The following PRIM2 variants were observed in gnomAD, a reference collection of about 807,000 sequenced individuals.
The protein encoded by PRIM2 is DNA primase large subunit.
PRIM2 carries 39 observed loss-of-function variants against 67.3 expected under a neutral mutation model. The ratio of observed to expected loss-of-function variants is 0.58; its 90% confidence interval spans 0.45 to 0.76. The LOEUF is 0.76. PRIM2 is among the 30% of genes least tolerant of loss of function. PRIM2 has a pLI of 0.00. For synonymous variants in PRIM2, 143 were observed against 198.7 expected (o/e 0.72, Z 2.36); for missense variants, 398 against 598.7 (o/e 0.66, Z 3.50).
intron 7 of PRIM2, among the ~76,000 whole-genome samples, chr6:57,472,205 G>A (rs1291968577): frequency 4.6e-5 from 7 of 151,904 alleles, no homozygotes; most frequent in Non-Finnish European, 2.9e-5. Flanking sequence ...CAAGGTGGGC[G>A]GATCACCTGA....
the PRIM2 span, among the ~76,000 whole-genome samples, chr6:57,235,394 G>C: frequency 6.6e-6 from 1 of 152,208 alleles, no homozygotes; most frequent in African/African-American, 2.4e-5. Context: ...AACCCAGGAG[G>C]GGGAGATTGC....
chr6:57,259,638 C>G, the PRIM2 span, among the ~76,000 whole-genome samples: 3 of 152,160 alleles, frequency 2.0e-5, no homozygotes, highest in Non-Finnish European at 4.4e-5. Context: ...ATATACTTCA[C>G]CTTTGTGGGG....
the PRIM2 span, among the ~76,000 whole-genome samples, chr6:57,270,931 T>C: frequency 3.3e-5 from 5 of 151,426 alleles, no homozygotes; most frequent in Non-Finnish European, 7.3e-5. Context: ...GGATTACACT[T>C]ACTGATTTGT....
At chr6:57,476,256 T>A (rs1773475788) in intron 7 of PRIM2, among the ~76,000 whole-genome samples, 1 of 152,184 alleles carries the variant, frequency 6.6e-6, no homozygotes, top group South Asian at 2.1e-4. Flanking sequence ...AATTTTAGTG[T>A]CAGTACCCAG....
intron 7 of PRIM2, among the ~76,000 whole-genome samples, chr6:57,471,557 A>G (rs1308366168): frequency 2.0e-5 from 3 of 152,350 alleles, no homozygotes; most frequent in Non-Finnish European, 4.4e-5. Flanking sequence ...CTCCATATCC[A>G]GTGTTCTGCT....
intron 10 of PRIM2, among the ~76,000 whole-genome samples, chr6:57,580,546 A>T (rs1255446320): frequency 4.6e-5 from 7 of 152,182 alleles, no homozygotes; most frequent in Non-Finnish European, 1.5e-5. Flanking sequence ...GATAAAAGGG[A>T]TATAATCTAA....
At chr6:57,614,863 T>C (rs1415322447) in intron 12 of PRIM2, among the ~76,000 whole-genome samples, 1 of 151,660 alleles carries the variant, frequency 6.6e-6, no homozygotes, top group Non-Finnish European at 1.5e-5. Flanking sequence ...TATATATATA[T>C]ATGTATGTGT....
intron 12 of PRIM2, among the ~76,000 whole-genome samples, chr6:57,628,703 A>G (rs1776995935): frequency 6.6e-6 from 1 of 152,000 alleles, no homozygotes; most frequent in African/African-American, 2.4e-5. Context: ...TGTATAACCA[A>G]TGTTTAGCTC....
Position 57,509,393 on chromosome 6 carries a change from C to T in PRIM2, c.761+1939C>T, listed in dbSNP as rs1554347508. Reference sequence around the variant, plus strand: ...AGTCTCTTGCTTAATGCCCACCTGCCGCATTCAACTCTGTTGGCAATTTTA... The same window carrying T: ...AGTCTCTTGCTTAATGCCCACCTGCTGCATTCAACTCTGTTGGCAATTTTA... On this transcript the variant is annotated intron_variant, in intron 8 of 13. Transcript: ENST00000615550. Among the ~76,000 whole-genome samples the T allele has an allele frequency of 3.3e-3, 507 of 152,280 alleles. 8 individuals are homozygous for T. The highest frequency in any genetic ancestry group is 0.025 in the Admixed American group (376 of 15,288).
chr6:57,454,317 G>C (rs1772675922), intron 7 of PRIM2, among the ~76,000 whole-genome samples: 4 of 152,164 alleles, frequency 2.6e-5, no homozygotes, highest in South Asian at 2.1e-4. Context: ...GAGTTAGGGA[G>C]GATTCCCTCT....
intron 9 of PRIM2, among the ~76,000 whole-genome samples, chr6:57,533,687 A>G (rs1774938787): frequency 6.6e-6 from 1 of 152,212 alleles, no homozygotes; most frequent in Non-Finnish European, 1.5e-5. Context: ...TCTTAGTTCT[A>G]GCTAGATGTT....
chr6:57,307,628 G>A, the PRIM2 span, among the ~76,000 whole-genome samples: 2 of 152,144 alleles, frequency 1.3e-5, no homozygotes, highest in African/African-American at 4.8e-5. Flanking sequence ...GGGCTTACTC[G>A]AAGTCAATAT....
At chr6:57,374,492 C>T (rs971416204) in intron 5 of PRIM2, among the ~76,000 whole-genome samples, 6 of 151,308 alleles carry the variant, frequency 4.0e-5, no homozygotes, top group African/African-American at 1.5e-4. Context: ...CGGGGTTTCA[C>T]CATGTTAGCC....
intron 7 of PRIM2, among the ~76,000 whole-genome samples, chr6:57,419,139 C>T (rs577365167): frequency 1.3e-5 from 2 of 151,866 alleles, no homozygotes; most frequent in Admixed American, 6.6e-5. Flanking sequence ...TTGCAATATT[C>T]ATGTAAGAAG....
chr6:57,237,101 G>A, the PRIM2 span, among the ~76,000 whole-genome samples: 3 of 151,432 alleles, frequency 2.0e-5, no homozygotes, highest in East Asian at 1.9e-4. Context: ...TTTAATGATC[G>A]CCATTCTAAC....
chr6:57,482,909 A>ATT, intron 7 of PRIM2, among the ~76,000 whole-genome samples: 1 of 151,514 alleles, frequency 6.6e-6, no homozygotes, highest in East Asian at 1.9e-4. Context: ...AGGAAAGTAG[A>ATT]TTTTTTTTTG....
chr6:57,428,566 C>T (rs373846994), intron 7 of PRIM2, among the ~76,000 whole-genome samples: 1,953 of 152,228 alleles, frequency 0.013, 40 homozygotes, highest in African/African-American at 0.043. Context: ...CCTACAAGTA[C>T]TGTGGTGTGG....
At chr6:57,303,670 C>T in the PRIM2 span, among the ~76,000 whole-genome samples, 1 of 152,154 alleles carries the variant, frequency 6.6e-6, no homozygotes, top group Non-Finnish European at 1.5e-5. Flanking sequence ...GGCTGGAGTG[C>T]AGTGGCACCA....
chr6:57,270,347 G>A, the PRIM2 span, among the ~76,000 whole-genome samples: 5 of 152,062 alleles, frequency 3.3e-5, no homozygotes, highest in East Asian at 3.8e-4. Flanking sequence ...GGTCCTTCAT[G>A]TCCCTTGTAA....
Sources: allele counts gnomAD v4.1 joint callset (sites outside exome capture counted in the v4.1 genomes callset), GRCh38; gene constraint gnomAD v4.1.1; transcripts MANE v1.5; gene names NCBI Gene and HGNC (gene_info 2026-07-23, HGNC 2026-07-21).